The following HSD17B12 variants were observed in gnomAD, a reference collection of about 807,000 sequenced individuals.
HSD17B12 encodes the protein hydroxysteroid 17-beta dehydrogenase 12.
In HSD17B12, 32 loss-of-function variants were observed where a neutral mutation model predicts 39.3. The observed-to-expected ratio is 0.81, with a 90% CI of 0.61 to 1.09. The LOEUF (loss-of-function observed/expected upper bound fraction) is 1.09. Ranked by LOEUF, HSD17B12 falls within the 50% of genes least tolerant of loss-of-function variation. HSD17B12 has a pLI of 0.00. For synonymous variants in HSD17B12, 150 were observed against 146.7 expected (o/e 1.02, Z -0.16); for missense variants, 342 against 382.9 (o/e 0.89, Z 0.89).
intron 3 of HSD17B12, among the ~76,000 whole-genome samples, chr11:43,767,589 C>CA (rs1950606760): frequency 6.6e-6 from 1 of 152,104 alleles, no homozygotes; most frequent in African/African-American, 2.4e-5. Flanking sequence ...ATTTTTGTTA[C>CA]ATGCTAATTT....
At chr11:43,577,165 G>A in the HSD17B12 span, among the ~76,000 whole-genome samples, 1 of 152,242 alleles carries the variant, frequency 6.6e-6, no homozygotes, top group African/African-American at 2.4e-5. Flanking sequence ...GTCCACGGAA[G>A]ATAGGTGCTG....
chr11:43,579,067 G>A, the HSD17B12 span: 2 of 149,542 alleles, frequency 1.3e-5, no homozygotes, highest in Non-Finnish European at 3.0e-5. Context: ...CCCCTACATG[G>A]GAGATGGGGG....
intron 7 of HSD17B12, among the ~76,000 whole-genome samples, chr11:43,837,372 C>A (rs370480544): frequency 3.0e-4 from 46 of 152,052 alleles, no homozygotes; most frequent in African/African-American, 1.1e-3. Flanking sequence ...TGGGTGGGAT[C>A]AGGTTGCAGT....
intron 1 of HSD17B12, among the ~76,000 whole-genome samples, chr11:43,717,915 A>G (rs1450102861): frequency 6.7e-6 from 1 of 149,996 alleles, no homozygotes; most frequent in Admixed American, 6.7e-5. Context: ...AGCAATTCTC[A>G]TACCTCAGCC....
At chr11:43,826,535 A>C (rs1185206197) in intron 6 of HSD17B12, among the ~76,000 whole-genome samples, 1 of 152,156 alleles carries the variant, frequency 6.6e-6, no homozygotes, top group East Asian at 1.9e-4. Flanking sequence ...AAAAGGAAAA[A>C]TTTTATTTTG....
chr11:43,659,751 C>G, the HSD17B12 span, among the ~76,000 whole-genome samples: 1 of 152,160 alleles, frequency 6.6e-6, no homozygotes, highest in Admixed American at 6.5e-5. Context: ...ACTCTTACAA[C>G]TCAGTAATAA....
intron 6 of HSD17B12, among the ~76,000 whole-genome samples, chr11:43,821,371 G>A (rs914508885): frequency 6.6e-6 from 1 of 152,118 alleles, no homozygotes; most frequent in Non-Finnish European, 1.5e-5. Flanking sequence ...TCTATATGTA[G>A]GTAACCAATA....
chr11:43,590,567 C>A, the HSD17B12 span, among the ~76,000 whole-genome samples: 1 of 114,198 alleles, frequency 8.8e-6, no homozygotes, highest in Non-Finnish European at 1.7e-5. Context: ...CGGAGAGCTG[C>A]GATCTTGGGT....
chr11:43,584,247 G>T, the HSD17B12 span, among the ~76,000 whole-genome samples: 1 of 152,132 alleles, frequency 6.6e-6, no homozygotes, highest in Admixed American at 6.5e-5. Flanking sequence ...GCCTGTCTCA[G>T]GTTGGAGGCA....
the HSD17B12 span, among the ~76,000 whole-genome samples, chr11:43,658,254 A>C: frequency 6.6e-6 from 1 of 151,964 alleles, no homozygotes; most frequent in Non-Finnish European, 1.5e-5. Flanking sequence ...AGGTCCTTTT[A>C]GGACTTCTCT....
rs541603547 is a variant in HSD17B12, at chr11:43,791,857, A to G, written c.284-6463A>G. Among the ~76,000 whole-genome samples the G allele has an allele frequency of 5.3e-5, 8 of 152,370 alleles. No homozygotes were observed. The South Asian group carries it at 1.2e-3, about 24-fold the overall frequency. On this transcript the variant is annotated intron_variant, in intron 3 of 10. Coordinates refer to ENST00000278353, the MANE Select transcript of HSD17B12 (RefSeq NM_016142.3). Reference sequence around the variant, plus strand: ...AAAAATATAATAACCTTGGCTTAAAATAAAGAAATGCTTGGTTTGAGATAG... The same window carrying G: ...AAAAATATAATAACCTTGGCTTAAAGTAAAGAAATGCTTGGTTTGAGATAG...
the HSD17B12 span, among the ~76,000 whole-genome samples, chr11:43,669,399 G>A: frequency 6.6e-6 from 1 of 152,016 alleles, no homozygotes; most frequent in Non-Finnish European, 1.5e-5. Context: ...TACTTGGGAG[G>A]TTGAGGCAGG....
chr11:43,772,808 G>A (rs1337173938), intron 3 of HSD17B12, among the ~76,000 whole-genome samples: 2 of 151,916 alleles, frequency 1.3e-5, no homozygotes, highest in African/African-American at 2.4e-5. Context: ...ACCTGATTTG[G>A]GGGGAAAAGA....
chr11:43,680,039 A>G (rs1020244153), upstream of HSD17B12, among the ~76,000 whole-genome samples: 5 of 149,160 alleles, frequency 3.4e-5, no homozygotes, highest in Non-Finnish European at 7.4e-5. Flanking sequence ...AAGAGTTGAA[A>G]ATAAAACTGT....
chr11:43,683,678 A>T (rs1018762690), intron 1 of HSD17B12, among the ~76,000 whole-genome samples: 1 of 152,232 alleles, frequency 6.6e-6, no homozygotes, highest in African/African-American at 2.4e-5. Flanking sequence ...CGAAATTACT[A>T]TCTTAATCTC....
intron 1 of HSD17B12, among the ~76,000 whole-genome samples, chr11:43,732,004 C>G (rs1197697101): frequency 6.6e-6 from 1 of 152,066 alleles, no homozygotes; most frequent in African/African-American, 2.4e-5. Flanking sequence ...GGCTGTGTCC[C>G]CCCTGACCTA....
chr11:43,818,010 A>T (rs1345276893), intron 6 of HSD17B12, among the ~76,000 whole-genome samples: 1 of 152,066 alleles, frequency 6.6e-6, no homozygotes, highest in Admixed American at 6.6e-5. Context: ...TATGTCATCT[A>T]TGATTCCTTT....
rs1422127192 is a variant in HSD17B12, at chr11:43,815,435, A to G, written c.392-2A>G. 1 of 1,559,068 alleles carries G rather than the reference A, an allele frequency of 6.4e-7. No homozygotes were observed. The highest frequency in any genetic ancestry group is 1.2e-5 in the South Asian group (1 of 82,922). On this transcript the variant is annotated splice_acceptor_variant, in intron 4 of 10. Coordinates refer to ENST00000278353, the MANE Select transcript of HSD17B12 (RefSeq NM_016142.3). LOFTEE classifies it high-confidence loss of function. ...TCAGCTAATCATCTTGTTCTATTTC[A>G]GTGAACAACGTGGGAATGTCGTATG... is the stretch of plus-strand genomic sequence containing the variant.
intron 4 of HSD17B12, among the ~76,000 whole-genome samples, chr11:43,809,935 C>G (rs1951054693): frequency 1.3e-5 from 2 of 152,110 alleles, no homozygotes; most frequent in Non-Finnish European, 2.9e-5. Context: ...AACTTTTTCT[C>G]CTTTGATACA....
Sources: gnomAD v4.1 joint callset for allele counts (sites outside exome capture counted in the v4.1 genomes callset) on GRCh38, gnomAD v4.1.1 for gene constraint, MANE v1.5 for transcripts, NCBI Gene and HGNC (gene_info 2026-07-23, HGNC 2026-07-21) for gene names.